CDHR1: variants seen among roughly 807,000 people sequenced by gnomAD.
CDHR1 encodes cadherin-related family member 1.
In CDHR1, 61 loss-of-function variants were observed where a neutral mutation model predicts 72.1. The observed-to-expected ratio is 0.85, with a 90% confidence interval of 0.69 to 1.05. The LOEUF (loss-of-function observed/expected upper bound fraction) is 1.05, where lower values mean the gene tolerates loss of function less well. CDHR1 is among the 50% of genes least tolerant of loss of function. The pLI is 0.00. For missense variants in CDHR1, 1,186 were observed against 1,115.7 expected, an observed-to-expected ratio of 1.06 and a Z score of -0.90; for synonymous variants, 470 against 448.1, an observed-to-expected ratio of 1.05 and a Z score of -0.62.
chr10:84,204,045 G>A (rs1279580401), intron 8 of CDHR1, among the ~76,000 whole-genome samples: 1 of 152,180 alleles, frequency 6.6e-6, no homozygotes. Flanking sequence ...GCAGCCCTAC[G>A]CCCAAACCCT....
At chr10:84,204,419 C>A (rs1842186178) in intron 8 of CDHR1, 108 bp from the exon 9 acceptor site, 1 of 827,854 alleles carries the variant, frequency 1.2e-6, no homozygotes, top group Non-Finnish European at 2.1e-6. Context: ...GAGGCCTGAC[C>A]CTTTCCTAGG....
At chr10:84,202,058 G>C in intron 7 of CDHR1, 138 bp downstream of exon 7, 2 of 738,266 alleles carry the variant, frequency 2.7e-6, no homozygotes, top group South Asian at 1.5e-5. Context: ...GCAGCTGCTC[G>C]GAATTTTTCC....
chr10:84,216,876 G>T lies in CDHR1; in HGVS notation c.*2255G>T. The T allele has an allele frequency of 1.0e-6, 1 of 985,534 alleles. No homozygotes were observed. The highest frequency in any genetic ancestry group is 1.2e-6 in the Non-Finnish European group (1 of 829,970). 61.0% of individuals were successfully genotyped at this position (985,534 alleles called of 1,614,324 possible). On this transcript the variant is annotated 3_prime_UTR_variant, in exon 17 of 17. Transcript: ENST00000623527. ...AAGGGCAGGAATTGGGAGGCCTAGG[G>T]TGGGCATGAAAGCTTGGGAAGCACT...
Position 84,217,842 on chromosome 10 carries a change from C to T in CDHR1, c.*3221C>T. On this transcript the variant is annotated 3_prime_UTR_variant, in exon 17 of 17. Coordinates refer to ENST00000623527, the MANE Select transcript of CDHR1 (RefSeq NM_033100.4). ...ATCTGTGGCCTGTGTAGCCGGCAGC[C>T]TGCATTTGGGCGTTGACATTCCAGG... 1.0e-6 allele frequency: 1 copy of T among 985,436 alleles called. No homozygotes were observed. Among genetic ancestry groups the T allele is most frequent in the Non-Finnish European group, 1.2e-6 (1 of 829,956 alleles). 61.0% of individuals were successfully genotyped at this position (985,436 alleles called of 1,614,324 possible). A position where few individuals can be genotyped will look rare whatever the true frequency, so the allele number is the denominator to read the frequency against.
rs1197571385 is a variant in CDHR1, at chr10:84,205,868, A to G, written c.904A>G (p.Ile302Val). Residue 302 changes from isoleucine to valine, a missense_variant, in exon 10 of 17, where the codon ATC (isoleucine) becomes GTC (valine). Transcript: ENST00000623527. Reference protein sequence around the residue: ...AFEINETSGAISITQSPAQLQ... With the variant: ...AFEINETSGAVSITQSPAQLQ... ...TGAAATTAATGAGACATCTGGAGCC[A>G]TCTCCATCACTCAGAGCCCGGCCCA... 3 of 1,613,978 alleles carry G rather than the reference A, an allele frequency of 1.9e-6. No individual in the cohort carries two copies. In the African/African-American group the frequency reaches 4.0e-5, roughly 22 times the overall value.
chr10:84,202,898 A>G, intron 7 of CDHR1, 82 bp from the exon 8 acceptor site: 31 of 1,551,878 alleles, frequency 2.0e-5, no homozygotes, highest in Non-Finnish European at 2.8e-5. Context: ...CATAGGTGGC[A>G]GAAGCCAGGT....
rs918739204 is a variant in CDHR1 at position 84,215,067 on chromosome 10, G to C, written c.*446G>C. ...TCTGGATCCTGACGCCTGCAGCTGA[G>C]AGCAGGAGCAGGAAAAGGAGGCTCA... is the stretch of plus-strand genomic sequence containing the variant. On this transcript the variant is annotated 3_prime_UTR_variant, in exon 17 of 17. Coordinates refer to ENST00000623527, the MANE Select transcript of CDHR1 (RefSeq NM_033100.4). The C allele has an allele frequency of 6.6e-6, 7 of 1,063,914 alleles. No individual in the cohort carries two copies. The highest frequency in any genetic ancestry group is 8.0e-6 in the Non-Finnish European group (7 of 877,106). The allele number at this position is 1,063,914 out of a possible 1,614,324, so 65.9% of individuals were successfully genotyped here.
rs534785098 is a variant in CDHR1 at position 84,217,707 on chromosome 10, C to T, written c.*3086C>T. On this transcript the variant is annotated 3_prime_UTR_variant, in exon 17 of 17. Transcript: ENST00000623527. ...GAGGACCCCCTCCATGCATCCTCAC[C>T]CCCCAGGATGTTTCCACCCACCTGT... 1.0e-6 allele frequency: 1 copy of T among 985,360 alleles called. No individual in the cohort carries two copies. The highest frequency in any genetic ancestry group is 4.7e-5 in the South Asian group (1 of 21,280). The allele number at this position is 985,360 out of a possible 1,614,324, so 61.0% of individuals were successfully genotyped here.
chr10:84,217,696 T>A lies in CDHR1; in HGVS notation c.*3075T>A. On this transcript the variant is annotated 3_prime_UTR_variant, in exon 17 of 17. Transcript: ENST00000623527. ...GTCCTGAAAGAGAGGACCCCCTCCA[T>A]GCATCCTCACCCCCCAGGATGTTTC... 1 of 985,472 alleles carries A rather than the reference T, an allele frequency of 1.0e-6. No individual in the cohort carries two copies. The highest frequency in any genetic ancestry group is 1.2e-6 in the Non-Finnish European group (1 of 829,992). 61.0% of individuals were successfully genotyped at this position (985,472 alleles called of 1,614,324 possible).
rs2132842208 is a variant in CDHR1 at position 84,216,537 on chromosome 10, C to T, written c.*1916C>T. 1 of 985,496 alleles carries T rather than the reference C, an allele frequency of 1.0e-6. No homozygotes were observed. The highest frequency in any genetic ancestry group is 1.1e-4 in the East Asian group (1 of 8,818). The allele number at this position is 985,496 out of a possible 1,614,324, so 61.0% of individuals were successfully genotyped here. A position where few individuals can be genotyped will look rare whatever the true frequency, so the allele number is the denominator to read the frequency against. ...TGTTACCCAAAGGCCATGCTGATCC[C>T]CTGCTCCCTGCTTTCATTTATGTTT... is the stretch of plus-strand genomic sequence containing the variant. On this transcript the variant is annotated 3_prime_UTR_variant, in exon 17 of 17. Transcript: ENST00000623527.
intron 10 of CDHR1, among the ~76,000 whole-genome samples, chr10:84,207,809 AG>A (rs992646413): frequency 1.1e-4 from 16 of 152,272 alleles, no homozygotes; most frequent in African/African-American, 3.6e-4. Context: ...TGACTGGGAA[AG>A]GGTTGGTTTC....
intron 10 of CDHR1, among the ~76,000 whole-genome samples, chr10:84,206,988 T>C (rs1842237954): frequency 6.6e-6 from 1 of 151,998 alleles, no homozygotes; most frequent in African/African-American, 2.4e-5. Context: ...GGGAGAGGGA[T>C]AGATGAAGCC....
chr10:84,203,305 C>A (rs1001408021), intron 8 of CDHR1, among the ~76,000 whole-genome samples, 182 bp downstream of exon 8: 2 of 152,236 alleles, frequency 1.3e-5, no homozygotes, highest in Non-Finnish European at 2.9e-5. Flanking sequence ...CCCAACTAGA[C>A]CATGAGCTCC....
At chr10:84,212,479 G>A (rs1379201187) in intron 15 of CDHR1, 72 bp downstream of exon 15, 13 of 1,312,522 alleles carry the variant, frequency 9.9e-6, no homozygotes, top group African/African-American at 5.9e-5. Context: ...TGAGGCATAA[G>A]AATTTCATTG....
Position 84,216,333 on chromosome 10 carries a change from A to T in CDHR1, c.*1712A>T, listed in dbSNP as rs1842426014. ...TGGGGTTTCTACAGTCCCCAACGTG[A>T]ACAGTATTAAGCAAGAGGTGGACTC... On this transcript the variant is annotated 3_prime_UTR_variant, in exon 17 of 17. Coordinates refer to ENST00000623527, the MANE Select transcript of CDHR1 (RefSeq NM_033100.4). The T allele has an allele frequency of 1.0e-6, 1 of 985,360 alleles. No individual in the cohort carries two copies. Among genetic ancestry groups the T allele is most frequent in the Admixed American group, 6.1e-5 (1 of 16,270 alleles). The allele number at this position is 985,360 out of a possible 1,614,324, so 61.0% of individuals were successfully genotyped here.
intron 1 of CDHR1, 21 bp downstream of exon 1, chr10:84,194,836 G>A: frequency 6.5e-7 from 1 of 1,532,572 alleles, no homozygotes; most frequent in South Asian, 1.2e-5. Context: ...GCTGGGCCGC[G>A]CTGGCCGCGT....
chr10:84,211,325 T>G (rs1842327135), intron 13 of CDHR1, among the ~76,000 whole-genome samples, 160 bp downstream of exon 13: 1 of 152,240 alleles, frequency 6.6e-6, no homozygotes, highest in Non-Finnish European at 1.5e-5. Flanking sequence ...TTCATCCATA[T>G]GATGGGTATT....
At position 84,201,813 on chromosome 10, in the gene CDHR1, C is replaced by T. The variant is rs1157412369; in HGVS notation, c.532C>T (p.His178Tyr). The T allele has an allele frequency of 3.7e-6, 6 of 1,610,164 alleles. No homozygotes were observed. The highest frequency in any genetic ancestry group is 1.1e-5 in the South Asian group (1 of 91,072). Residue 178 changes from histidine (H) to tyrosine (Y), a missense_variant, in exon 7 of 17, where the codon CAC becomes TAC. Transcript: ENST00000623527. ...TGCCCCCTAATTCTTATAGAACCTGCACTCCCCATTTGCCGTGGACCGCCA... is the reference window on the plus strand; with the variant it reads ...TGCCCCCTAATTCTTATAGAACCTGTACTCCCCATTTGCCGTGGACCGCCA... Reference protein sequence around the residue: ...GSVTYFLQNLHSPFAVDRHSG... With the variant: ...GSVTYFLQNLYSPFAVDRHSG...
chr10:84,205,985 G>T (rs1842219372), intron 10 of CDHR1, 58 bp downstream of exon 10: 3 of 1,330,282 alleles, frequency 2.3e-6, no homozygotes, highest in Middle Eastern at 1.8e-4. Flanking sequence ...AGTCTATAAA[G>T]GTGAAGACAC....
Sources: gnomAD v4.1 joint callset for allele counts (sites outside exome capture counted in the v4.1 genomes callset) on GRCh38, gnomAD v4.1.1 for gene constraint, MANE v1.5 for transcripts, NCBI Gene and HGNC (gene_info 2026-07-23, HGNC 2026-07-21) for gene names.